The following PRRC2C variants were observed in gnomAD, a reference collection of about 807,000 sequenced individuals.
The protein encoded by PRRC2C is proline rich coiled-coil 2C.
In PRRC2C, 72 loss-of-function variants were observed where a neutral mutation model predicts 317.2. The observed-to-expected ratio is 0.23, with a 90% CI of 0.19 to 0.28. PRRC2C has a LOEUF of 0.28. Ranked by LOEUF, PRRC2C falls within the 10% of genes least tolerant of loss-of-function variation. PRRC2C has a pLI of 1.00. For missense variants in PRRC2C, 3,074 were observed against 3,459.7 expected (o/e 0.89, Z 2.80); for synonymous variants, 1,296 against 1,205.9 (o/e 1.07, Z -1.55).
chr1:171,537,315 G>T lies in PRRC2C; in HGVS notation c.2346G>T (p.Pro782=). ...GAAGAGACCAGATGGAAGGGTCACC[G>T]AACAGTTCTGAGTCATTTGAGCATA... is the stretch of plus-strand genomic sequence containing the variant. ...LMRRDQMEGS[P]NSSESFEHIA... is the part of the protein sequence containing the mutation. Residue 782 remains proline, a synonymous_variant, in exon 15 of 35, where the codon CCG becomes CCT. Coordinates refer to ENST00000647382, the MANE Select transcript of PRRC2C (RefSeq NM_001387844.1). 1 of 1,600,548 alleles carries T rather than the reference G, an allele frequency of 6.2e-7. No homozygotes were observed. The highest frequency in any genetic ancestry group is 8.5e-7 in the Non-Finnish European group (1 of 1,172,908).
At chr1:171,524,660 A>G (rs1263634747) in intron 9 of PRRC2C, among the ~76,000 whole-genome samples, 161 bp from the exon 10 acceptor site, 1 of 152,192 alleles carries the variant, frequency 6.6e-6, no homozygotes, top group Non-Finnish European at 1.5e-5. Flanking sequence ...ATATTTATTG[A>G]AAGAACAAAT....
chr1:171,577,409 C>G (rs1161370932), intron 25 of PRRC2C, 25 bp from the exon 26 acceptor site: 2 of 1,542,388 alleles, frequency 1.3e-6, no homozygotes, highest in Non-Finnish European at 1.8e-6. Context: ...TCTATTTTCC[C>G]CTTTATTTGC....
intron 1 of PRRC2C, among the ~76,000 whole-genome samples, chr1:171,503,536 A>AG (rs958020527): frequency 6.6e-6 from 1 of 151,968 alleles, no homozygotes; most frequent in Non-Finnish European, 1.5e-5. Context: ...AAAAAAAAAA[A>AG]GAAACTGCCA....
In PRRC2C at chr1:171,557,254, G is replaced by T; in HGVS notation, c.5142G>T (p.Lys1714Asn). 2 of 1,546,454 alleles carry T rather than the reference G, an allele frequency of 1.3e-6. No homozygotes were observed. Among genetic ancestry groups the T allele is most frequent in the Non-Finnish European group, 1.7e-6 (2 of 1,144,834 alleles). The change falls in exon 19 of 35, where the codon AAG (lysine) becomes AAT (asparagine). Residue 1714 changes from lysine (K) to asparagine (N), a missense_variant. By Grantham distance (94) the Lys-to-Asn change is moderately conservative (BLOSUM62 0). This residue lies in a region of PRRC2C where 640 missense variants were observed against 676.1 expected (regional missense o/e 0.95). Coordinates refer to ENST00000647382, the MANE Select transcript of PRRC2C (RefSeq NM_001387844.1). ...EEQVIQVWNK[K>N]NANEKGRSQT... The stretch of plus-strand genomic sequence containing the variant: ...AATTTTTTAAGGTCTGGAACAAAAA[G>T]AATGCAAATGAAAAAGGAAGAAGCC...
intron 22 of PRRC2C, among the ~76,000 whole-genome samples, 176 bp downstream of exon 22, chr1:171,567,019 A>G (rs1446678360): frequency 1.3e-5 from 2 of 152,208 alleles, no homozygotes; most frequent in Non-Finnish European, 2.9e-5. Flanking sequence ...GAAGTTCTTT[A>G]TAGCAAATTA....
chr1:171,499,515 G>A (rs1230438342), intron 1 of PRRC2C, among the ~76,000 whole-genome samples: 1 of 152,198 alleles, frequency 6.6e-6, no homozygotes, highest in Non-Finnish European at 1.5e-5. Flanking sequence ...GATGGGCCGG[G>A]CACGGTGGCT....
intron 30 of PRRC2C, among the ~76,000 whole-genome samples, chr1:171,585,321 A>C (rs1300183169): frequency 6.6e-6 from 1 of 152,214 alleles, no homozygotes; most frequent in Non-Finnish European, 1.5e-5. Flanking sequence ...ATCGAGCATA[A>C]ATGACAAACA....
intron 28 of PRRC2C, 37 bp downstream of exon 28, chr1:171,580,001 A>G (rs777190662): frequency 2.1e-6 from 3 of 1,433,894 alleles, no homozygotes. Flanking sequence ...AATGATGTTG[A>G]AAACATTGTA....
At chr1:171,543,832 A>G (rs528253182) in intron 16 of PRRC2C, among the ~76,000 whole-genome samples, 1 of 152,348 alleles carries the variant, frequency 6.6e-6, no homozygotes, top group Non-Finnish European at 1.5e-5. Flanking sequence ...AGGGGGCGAC[A>G]TCTCATGAGG....
At position 171,493,649 on chromosome 1, in the gene PRRC2C, A is replaced by G. The variant is rs192396947; in HGVS notation, c.-58+7914A>G. Among the ~76,000 whole-genome samples the G allele has an allele frequency of 2.3e-3, 356 of 152,254 alleles. 1 individual carries two copies. The highest frequency in any genetic ancestry group is 7.8e-3 in the African/African-American group (325 of 41,556). On this transcript the variant is annotated intron_variant, in intron 1 of 34. Coordinates refer to ENST00000647382, the MANE Select transcript of PRRC2C (RefSeq NM_001387844.1). ...AGCCTGGCCAACATGGTGAAACCCC[A>G]TCTCTACTAAAAATACAAAAATTAG...
In PRRC2C at chr1:171,593,071, C is replaced by G. The variant is rs978603196; in HGVS notation, c.*1224C>G. ...CAGAAGCTAATTTTAAAAAACGGTG[C>G]CAGGTACCACAACAGTAACAGAACT... is the stretch of plus-strand genomic sequence containing the variant. On this transcript the variant is annotated 3_prime_UTR_variant, in exon 35 of 35. Coordinates refer to ENST00000647382, the MANE Select transcript of PRRC2C (RefSeq NM_001387844.1). The G allele has an allele frequency of 6.6e-6, 1 of 151,890 alleles. No individual in the cohort carries two copies. Among genetic ancestry groups the G allele is most frequent in the African/African-American group, 2.4e-5 (1 of 41,340 alleles). The allele number at this position is 151,890 out of a possible 1,614,324, so 9.4% of individuals were successfully genotyped here.
intron 19 of PRRC2C, among the ~76,000 whole-genome samples, chr1:171,560,688 C>G (rs1682513588): frequency 6.6e-6 from 1 of 152,036 alleles, no homozygotes; most frequent in Non-Finnish European, 1.5e-5. Flanking sequence ...AAGTATACAT[C>G]TTTTTTAAGA....
At chr1:171,588,117 C>T (rs976587042) in intron 32 of PRRC2C, among the ~76,000 whole-genome samples, 2 of 152,072 alleles carry the variant, frequency 1.3e-5, no homozygotes, top group Admixed American at 6.6e-5. Flanking sequence ...GGACTACATA[C>T]ACGTGCCACC....
At chr1:171,556,026 G>A (rs906545381) in intron 18 of PRRC2C, among the ~76,000 whole-genome samples, 1 of 152,070 alleles carries the variant, frequency 6.6e-6, no homozygotes, top group African/African-American at 2.4e-5. Context: ...TGCCCCCAGA[G>A]CATACAGAGT....
chr1:171,528,768 T>C (rs1156591670), intron 11 of PRRC2C, among the ~76,000 whole-genome samples: 1 of 152,138 alleles, frequency 6.6e-6, no homozygotes, highest in Non-Finnish European at 1.5e-5. Context: ...CATTTAAATC[T>C]CAGCTGAGTC....
intron 1 of PRRC2C, among the ~76,000 whole-genome samples, chr1:171,502,166 T>C (rs1439677830): frequency 1.3e-5 from 2 of 152,234 alleles, no homozygotes; most frequent in African/African-American, 2.4e-5. Flanking sequence ...TTGCCTACTC[T>C]GATTTCATCT....
chr1:171,498,078 C>T (rs1668450795), intron 1 of PRRC2C, among the ~76,000 whole-genome samples: 2 of 150,872 alleles, frequency 1.3e-5, no homozygotes, highest in African/African-American at 4.9e-5. Context: ...CCTTCCGCCT[C>T]GGCTTCCGAA....
rs1649346955 is a variant in PRRC2C, at chr1:171,584,261, A to C, written c.7641+74A>C. 23 of 1,417,136 alleles carry C rather than the reference A, an allele frequency of 1.6e-5. 1 individual carries two copies. In the South Asian group the frequency reaches 2.9e-4, roughly 18 times the overall value. The allele number at this position is 1,417,136 out of a possible 1,614,324, so 87.8% of individuals were successfully genotyped here. ...CAGATCATTTTAAGGAAACATTTTT[A>C]AAAGAAAACATGTTAGAAGATGCAA... On this transcript the variant is annotated intron_variant, in intron 29 of 34. Transcript: ENST00000647382.
rs540622077 is a variant in PRRC2C at position 171,513,943 on chromosome 1, C to T, written c.291-593C>T. Among the ~76,000 whole-genome samples the T allele has an allele frequency of 1.8e-4, 28 of 152,302 alleles. No individual in the cohort carries two copies. In the South Asian group the frequency reaches 5.8e-3, roughly 32 times the overall value. ...GTATGAGTGTCCCAGAAACACATTG[C>T]ATTTTGTGAGCCTCTTAACTACTTT... On this transcript the variant is annotated intron_variant, in intron 3 of 34. Transcript: ENST00000647382.
Sources: gnomAD v4.1 joint callset for allele counts (sites outside exome capture counted in the v4.1 genomes callset) on GRCh38, gnomAD v4.1.1 for gene constraint, gnomAD v4.1.1 regional missense constraint, MANE v1.5 for transcripts, NCBI Gene and HGNC (gene_info 2026-07-23, HGNC 2026-07-21) for gene names.